The following CENPU variants were observed in gnomAD, a reference collection of about 807,000 sequenced individuals.
CENPU encodes the protein centromere protein U, also known as KSHV latent nuclear antigen interacting protein 1.
Under a neutral mutation model 56.7 loss-of-function variants are expected in CENPU, and 46 were observed. That is an observed-to-expected ratio of 0.81 (90% CI 0.64 to 1.04). The LOEUF (loss-of-function observed/expected upper bound fraction) is 1.04. Among genes scored for constraint, CENPU ranks in the 50% least tolerant of loss-of-function variants. CENPU has a pLI of 0.00. For synonymous variants in CENPU, 166 were observed against 163.0 expected, an observed-to-expected ratio of 1.02 and a Z score of -0.14; for missense variants, 510 against 490.1, an observed-to-expected ratio of 1.04 and a Z score of -0.38.
chr4:184,697,767 A>G lies in CENPU; in HGVS notation c.1023T>C (p.Tyr341=). ...EPQLKQLQTK[Y]DELKERKSSL... Reference sequence around the variant, plus strand: ...AAGACTTTCTCTCTTTAAGTTCATCATATTTTGTTTGTAGTTGTTTCAGCT... The same window carrying G: ...AAGACTTTCTCTCTTTAAGTTCATCGTATTTTGTTTGTAGTTGTTTCAGCT... Residue 341 remains tyrosine (Y), a synonymous_variant, in exon 12 of 13, where the codon TAT becomes TAC. Transcript: ENST00000281453. 6.2e-7 allele frequency: 1 copy of G among 1,609,626 alleles called. No individual in the cohort carries two copies. The highest frequency in any genetic ancestry group is 8.5e-7 in the Non-Finnish European group (1 of 1,179,016).
At chr4:184,697,866 G>T (rs1760392615) in intron 11 of CENPU, 63 bp from the exon 12 acceptor site, 5 of 1,334,498 alleles carry the variant, frequency 3.7e-6, no homozygotes, top group Non-Finnish European at 4.1e-6. Context: ...AACTGAGGTT[G>T]TAAGTACGCT....
intron 4 of CENPU, among the ~76,000 whole-genome samples, chr4:184,722,131 T>C (rs534902929): frequency 2.7e-4 from 41 of 152,264 alleles, no homozygotes; most frequent in African/African-American, 9.4e-4. Flanking sequence ...AACACGTTAA[T>C]GAAGGACCAG....
intron 4 of CENPU, among the ~76,000 whole-genome samples, chr4:184,717,440 T>C (rs1579781900): frequency 6.6e-6 from 1 of 152,330 alleles, no homozygotes; most frequent in South Asian, 2.1e-4. Flanking sequence ...CCTGTGGTGA[T>C]GTCTGAGAAC....
intron 4 of CENPU, among the ~76,000 whole-genome samples, chr4:184,719,615 A>G (rs1291522289): frequency 2.0e-5 from 3 of 152,110 alleles, no homozygotes; most frequent in Non-Finnish European, 2.9e-5. Flanking sequence ...CTGGGCTTGG[A>G]GCCAGTGGAC....
intron 8 of CENPU, among the ~76,000 whole-genome samples, chr4:184,708,708 A>T (rs1403288884): frequency 6.6e-6 from 1 of 152,222 alleles, no homozygotes; most frequent in Non-Finnish European, 1.5e-5. Flanking sequence ...CTAAGCTGTC[A>T]TTCAAATTCA....
chr4:184,704,840 G>A (rs1760669601), intron 8 of CENPU, among the ~76,000 whole-genome samples: 2 of 152,148 alleles, frequency 1.3e-5, no homozygotes, highest in Non-Finnish European at 2.9e-5. Context: ...TTTAGTTCTA[G>A]AGATGGGCTG....
chr4:184,733,331 G>A (rs1167277196), intron 1 of CENPU: 6 of 986,104 alleles, frequency 6.1e-6, no homozygotes, highest in Non-Finnish European at 7.2e-6. Flanking sequence ...AGGCCCGGGG[G>A]AACTCCTGTT....
intron 4 of CENPU, among the ~76,000 whole-genome samples, chr4:184,722,700 C>A (rs1404897367): frequency 7.1e-6 from 1 of 140,724 alleles, no homozygotes; most frequent in Non-Finnish European, 1.5e-5. Flanking sequence ...AAAAACAAAA[C>A]AAAACAAAAC....
At position 184,702,460 on chromosome 4, in the gene CENPU, A is replaced by C. The variant is rs1450718232; in HGVS notation, c.798-19T>G. On this transcript the variant is annotated intron_variant, in intron 8 of 12. Coordinates refer to ENST00000281453, the MANE Select transcript of CENPU (RefSeq NM_024629.4). ...TCTTTGTCTGTAGAGGAATTAAAAA[A>C]AAGTCTAAGTACCATGATGGATTTT... The C allele has an allele frequency of 4.4e-6, 7 of 1,577,582 alleles. No homozygotes were observed. The highest frequency in any genetic ancestry group is 6.0e-6 in the Non-Finnish European group (7 of 1,157,248).
chr4:184,719,725 A>G (rs905106101), intron 4 of CENPU, among the ~76,000 whole-genome samples: 1 of 152,164 alleles, frequency 6.6e-6, no homozygotes, highest in Non-Finnish European at 1.5e-5. Flanking sequence ...CATGGCTCCA[A>G]AAGAGACCCC....
intron 11 of CENPU, among the ~76,000 whole-genome samples, chr4:184,698,550 A>C (rs1267226284): frequency 6.6e-6 from 1 of 152,084 alleles, no homozygotes; most frequent in Non-Finnish European, 1.5e-5. Context: ...TCCCAGGTTC[A>C]AGTGATTCTC....
chr4:184,712,819 C>T lies in CENPU; in HGVS notation c.688+125G>A, dbSNP rs892486151. On this transcript the variant is annotated intron_variant, in intron 7 of 12. Coordinates refer to ENST00000281453, the MANE Select transcript of CENPU (RefSeq NM_024629.4). ...AAATGTTACTCCAAAGTCACATATT[C>T]CTAATTTTTAAAAGTGGCAATTTTA... 6.0e-6 allele frequency: 4 copies of T among 661,442 alleles called. No homozygotes were observed. In the African/African-American group the frequency reaches 7.6e-5, roughly 13 times the overall value. 41.0% of individuals were successfully genotyped at this position (661,442 alleles called of 1,614,324 possible).
intron 3 of CENPU, among the ~76,000 whole-genome samples, chr4:184,728,031 G>A (rs1015735496): frequency 6.6e-5 from 10 of 152,144 alleles, no homozygotes; most frequent in Non-Finnish European, 1.3e-4. Flanking sequence ...TTCTCTACAG[G>A]ATAACAATTT....
intron 4 of CENPU, among the ~76,000 whole-genome samples, chr4:184,721,757 A>C (rs992552892): frequency 6.6e-6 from 1 of 152,210 alleles, no homozygotes; most frequent in Admixed American, 6.5e-5. Context: ...AGATGAAGCT[A>C]ATATTAGAGC....
intron 11 of CENPU, 70 bp from the exon 12 acceptor site, chr4:184,697,873 C>G: frequency 1.6e-6 from 2 of 1,262,330 alleles, no homozygotes; most frequent in Non-Finnish European, 2.2e-6. Context: ...GTTGTAAGTA[C>G]GCTGAGCGAG....
chr4:184,733,511 A>C lies in CENPU; in HGVS notation c.47+505T>G, dbSNP rs59103504. ...AACGCTCGCTTTCTTTGGTAAACAA[A>C]AACCGCTCGAGCCATCCTGGAGAAC... On this transcript the variant is annotated intron_variant, in intron 1 of 12. Coordinates refer to ENST00000281453, the MANE Select transcript of CENPU (RefSeq NM_024629.4). 1,743 of 698,208 alleles carry C rather than the reference A, an allele frequency of 2.5e-3. 25 individuals are homozygous for C. In the African/African-American group the frequency reaches 0.032, roughly 13 times the overall value. 43.3% of individuals were successfully genotyped at this position (698,208 alleles called of 1,614,324 possible). A position where few individuals can be genotyped will look rare whatever the true frequency, so the allele number is the denominator to read the frequency against.
chr4:184,725,318 GT>G (rs2150227868), intron 3 of CENPU, among the ~76,000 whole-genome samples: 1 of 152,190 alleles, frequency 6.6e-6, no homozygotes, highest in African/African-American at 2.4e-5. Flanking sequence ...ATTATTTTTG[GT>G]TTCTGAAACA....
intron 11 of CENPU, among the ~76,000 whole-genome samples, chr4:184,698,780 C>G (rs1760428911): frequency 6.6e-6 from 1 of 152,086 alleles, no homozygotes; most frequent in Non-Finnish European, 1.5e-5. Context: ...ACAAATGCAG[C>G]GCTGGGGAAA....
At chr4:184,727,978 T>G (rs1761515820) in intron 3 of CENPU, among the ~76,000 whole-genome samples, 2 of 152,124 alleles carry the variant, frequency 1.3e-5, no homozygotes, top group African/African-American at 2.4e-5. Context: ...GCCAGGGGCT[T>G]GAAGGAAGGG....
Sources: gnomAD v4.1 joint callset for allele counts (sites outside exome capture counted in the v4.1 genomes callset) on GRCh38, gnomAD v4.1.1 for gene constraint, MANE v1.5 for transcripts, NCBI Gene and HGNC (gene_info 2026-07-23, HGNC 2026-07-21) for gene names.